The following NDUFAF6 variants were observed in gnomAD, a reference collection of about 807,000 sequenced individuals.
NDUFAF6 encodes NADH dehydrogenase (ubiquinone) complex I, assembly factor 6.
Under a neutral mutation model 40.8 loss-of-function variants are expected in NDUFAF6, and 45 were observed. The ratio of observed to expected loss-of-function variants is 1.10; its 90% CI spans 0.87 to 1.42. The LOEUF (loss-of-function observed/expected upper bound fraction) is 1.42, where lower values mean the gene tolerates loss of function less well. Among genes scored for constraint, NDUFAF6 ranks in the 40% most tolerant of loss-of-function variants. The probability of loss-of-function intolerance (pLI) is 0.00; values close to 1 mark genes in which losing one functional copy is unlikely to be tolerated. For synonymous variants in NDUFAF6, 185 were observed against 155.9 expected, an observed-to-expected ratio of 1.19 and a Z score of -1.39; for missense variants, 435 against 418.5, an observed-to-expected ratio of 1.04 and a Z score of -0.34.
At chr8:95,101,415 G>T (rs1809642479) in intron 2 of NDUFAF6, among the ~76,000 whole-genome samples, 1 of 152,196 alleles carries the variant, frequency 6.6e-6, no homozygotes. Context: ...ACCTGAGAGT[G>T]GCGGGCACTC....
At chr8:94,971,944 G>T (rs947597402) in intron 1 of NDUFAF6, among the ~76,000 whole-genome samples, 5 of 151,792 alleles carry the variant, frequency 3.3e-5, no homozygotes, top group Non-Finnish European at 7.4e-5. Context: ...AAAAAACTCC[G>T]TCTCAAAAAA....
downstream of NDUFAF6, among the ~76,000 whole-genome samples, chr8:95,076,685 C>A (rs1808632694): frequency 6.6e-6 from 1 of 151,910 alleles, no homozygotes; most frequent in South Asian, 2.1e-4. Context: ...ACCAGACTGA[C>A]CAACATGGAG....
upstream of NDUFAF6, among the ~76,000 whole-genome samples, chr8:95,022,165 A>T (rs530002205): frequency 1.3e-5 from 2 of 152,270 alleles, no homozygotes; most frequent in South Asian, 4.2e-4. Flanking sequence ...ATGTTTATGA[A>T]GGTTCAATAT....
At chr8:95,004,924 T>A (rs1361884158) in intron 2 of NDUFAF6, among the ~76,000 whole-genome samples, 1 of 152,166 alleles carries the variant, frequency 6.6e-6, no homozygotes, top group African/African-American at 2.4e-5. Context: ...GTGAAATGAT[T>A]TATCGGAAGG....
intron 2 of NDUFAF6, among the ~76,000 whole-genome samples, chr8:94,994,322 G>A (rs1408560924): frequency 3.3e-5 from 5 of 151,934 alleles, no homozygotes; most frequent in African/African-American, 1.2e-4. Context: ...AGGCCGAGGC[G>A]AGTGGATCAC....
downstream of NDUFAF6, among the ~76,000 whole-genome samples, chr8:95,105,062 CACACAG>C (rs1162112992): frequency 2.3e-4 from 15 of 65,376 alleles, no homozygotes; most frequent in African/African-American, 2.9e-4. Context: ...CACACACACA[CACACAG>C]AGAGAGAGAG....
chr8:94,958,552 T>G (rs1337178715), intron 1 of NDUFAF6, among the ~76,000 whole-genome samples: 2 of 103,644 alleles, frequency 1.9e-5, no homozygotes, highest in African/African-American at 6.5e-5. Context: ...TTTTTTTTTT[T>G]GAGATGGAGT....
chr8:95,114,230 T>G (rs1409148176), intron 4 of NDUFAF6, among the ~76,000 whole-genome samples: 1 of 152,174 alleles, frequency 6.6e-6, no homozygotes, highest in African/African-American at 2.4e-5. Context: ...GGCCTGAGGC[T>G]TGCACAAGAG....
At chr8:94,996,623 A>G (rs1297109845) in intron 2 of NDUFAF6, among the ~76,000 whole-genome samples, 2 of 152,234 alleles carry the variant, frequency 1.3e-5, no homozygotes, top group Non-Finnish European at 2.9e-5. Flanking sequence ...GTGCAGAGAA[A>G]GTAGAAAGGC....
At position 95,057,912 on chromosome 8, in the gene NDUFAF6, T is replaced by G; in HGVS notation, c.977T>G (p.Ile326Ser). The G allele has an allele frequency of 6.5e-7, 1 of 1,545,290 alleles. No individual in the cohort carries two copies. The highest frequency in any genetic ancestry group is 1.7e-4 in the Middle Eastern group (1 of 5,930). ...ACATTACTTCCATTATATTTGTATA[T>G]TCAGTCATGGAGAAAAACATATTAA... is the stretch of plus-strand genomic sequence containing the variant. The part of the protein sequence containing the change: ...KNTLLPLYLY[I>S]QSWRKTY The change falls in exon 9 of 9, where the codon ATT (isoleucine) becomes AGT (serine). Residue 326 changes from isoleucine (I) to serine (S), a missense_variant. Ile to Ser is a moderately radical substitution (Grantham distance 142, BLOSUM62 -2). Transcript: ENST00000396124.
At chr8:95,098,331 AAGACC>A (rs1176450423), upstream of NDUFAF6, among the ~76,000 whole-genome samples, 4 of 151,578 alleles carry the variant, frequency 2.6e-5, no homozygotes, top group Non-Finnish European at 4.4e-5. Context: ...TCAGGAGTTC[AAGACC>A]AGACTGGCCA....
At chr8:95,078,942 A>G (rs1472870439), downstream of NDUFAF6, among the ~76,000 whole-genome samples, 3 of 151,858 alleles carry the variant, frequency 2.0e-5, no homozygotes, top group African/African-American at 7.3e-5. Flanking sequence ...GATGCACCAC[A>G]GTTTGTCTAC....
At chr8:95,075,701 A>G (rs1284560794) in exon 10 of NDUFAF6, 8 of 1,287,922 alleles carry the variant, frequency 6.2e-6, no homozygotes, top group Non-Finnish European at 8.1e-6. Flanking sequence ...AATGAAGCCA[A>G]CTGGGAGAGA....
chr8:94,979,019 C>G (rs1489276398), intron 1 of NDUFAF6, among the ~76,000 whole-genome samples: 3 of 152,092 alleles, frequency 2.0e-5, no homozygotes, highest in Non-Finnish European at 4.4e-5. Flanking sequence ...AGAATAAGCC[C>G]TGAGACATTT....
chr8:94,950,610 T>A lies in NDUFAF6; in HGVS notation c.-799+4991T>A, dbSNP rs573187865. On this transcript the variant is annotated intron_variant, in intron 2 of 14. Transcript: ENST00000396113. ...AGGAGTAATGATCAAAATATGATGGTCATTGGACCTTATCTTGGGAGAAAG... is the reference window on the plus strand; with the variant it reads ...AGGAGTAATGATCAAAATATGATGGACATTGGACCTTATCTTGGGAGAAAG... Among the ~76,000 whole-genome samples the A allele has an allele frequency of 2.6e-5, 4 of 152,306 alleles. No individual in the cohort carries two copies. In the East Asian group the frequency reaches 7.7e-4, roughly 29 times the overall value.
intron 6 of NDUFAF6, 53 bp downstream of exon 6, chr8:95,047,180 G>A: frequency 1.2e-6 from 2 of 1,612,786 alleles, no homozygotes; most frequent in South Asian, 2.2e-5. Flanking sequence ...TATGGGGAAG[G>A]AAGTTATCTT....
At chr8:95,025,891 A>G (rs1016459328) in intron 1 of NDUFAF6, among the ~76,000 whole-genome samples, 4 of 152,300 alleles carry the variant, frequency 2.6e-5, no homozygotes, top group Middle Eastern at 3.4e-3. Flanking sequence ...GGTTGGATCA[A>G]TCAGGTCACC....
At position 94,981,046 on chromosome 8, in the gene NDUFAF6, A is replaced by G. The variant is rs115694200; in HGVS notation, c.-84+73A>G. The G allele has an allele frequency of 3.6e-3, 1,644 of 451,108 alleles. 18 individuals are homozygous for G. The highest frequency in any genetic ancestry group is 0.03 in the African/African-American group (1,516 of 50,126). The allele number at this position is 451,108 out of a possible 1,614,324, so 27.9% of individuals were successfully genotyped here. Reference sequence around the variant, plus strand: ...CTCTTTCCCCCACCCCAGTATTACCATGGTTTTAATATGGTTTATCCCCAC... The same window carrying G: ...CTCTTTCCCCCACCCCAGTATTACCGTGGTTTTAATATGGTTTATCCCCAC... On this transcript the variant is annotated intron_variant, in intron 2 of 9. Coordinates refer to the NDUFAF6 transcript ENST00000396111.
At chr8:95,045,399 T>C (rs1273984692) in intron 4 of NDUFAF6, 146 bp from the exon 5 acceptor site, 2 of 641,266 alleles carry the variant, frequency 3.1e-6, no homozygotes, top group African/African-American at 3.7e-5. Flanking sequence ...AACTTCAATA[T>C]TGTAATGTTT....
Sources: allele counts gnomAD v4.1 joint callset (sites outside exome capture counted in the v4.1 genomes callset), GRCh38; gene constraint gnomAD v4.1.1; transcripts MANE v1.5; gene names NCBI Gene and HGNC (gene_info 2026-07-23, HGNC 2026-07-21).